PRKCA: variants seen among roughly 807,000 people sequenced by gnomAD.
PRKCA encodes the protein protein kinase C alpha type.
A neutral mutation model predicts 87.0 loss-of-function variants in PRKCA; 27 were observed. The observed-to-expected ratio is 0.31, with a 90% confidence interval of 0.23 to 0.43. The LOEUF is 0.43. PRKCA is among the 20% of genes least tolerant of loss of function. The pLI is 1.00. For missense variants in PRKCA, 518 were observed against 852.3 expected, an observed-to-expected ratio of 0.61 and a Z score of 4.88; for synonymous variants, 329 against 311.1, an observed-to-expected ratio of 1.06 and a Z score of -0.61.
intron 2 of PRKCA, among the ~76,000 whole-genome samples, chr17:66,351,720 C>G (rs1170351695): frequency 6.6e-6 from 1 of 152,148 alleles, no homozygotes; most frequent in African/African-American, 2.4e-5. Context: ...AATGCCTACT[C>G]AAACCAGCGT....
intron 3 of PRKCA, among the ~76,000 whole-genome samples, chr17:66,556,868 C>T (rs1034223859): frequency 2.6e-5 from 4 of 152,276 alleles, no homozygotes; most frequent in South Asian, 4.1e-4. Context: ...TACCCCATCT[C>T]GGGTATGTCC....
intron 13 of PRKCA, among the ~76,000 whole-genome samples, chr17:66,753,867 C>T (rs187149175): frequency 1.3e-5 from 2 of 152,272 alleles, no homozygotes; most frequent in East Asian, 1.9e-4. Context: ...CTGCTGGCAC[C>T]TTCATCCTGG....
intron 3 of PRKCA, among the ~76,000 whole-genome samples, chr17:66,576,987 AC>A (rs1171583950): frequency 1.4e-5 from 2 of 146,594 alleles, no homozygotes; most frequent in Non-Finnish European, 3.0e-5. Context: ...TGATCCTCCC[AC>A]CCCAGCCTCC....
rs1485928514 is a variant in PRKCA at position 66,803,304 on chromosome 17, C to G, written c.1855-569C>G. On this transcript the variant is annotated intron_variant, in intron 16 of 16. Transcript: ENST00000413366. This position sits in a 1 kb window ranked among gnomAD's most constrained non-coding sequence, Gnocchi z 4.4. ...CTAGCTGGGCCAGGTGCAAATCTCC[C>G]AGCCTTGCCGCCACACCTACCTCAT... 3.3e-5 allele frequency among the ~76,000 whole-genome samples: 5 copies of G among 152,226 alleles called. 1 individual carries two copies. The South Asian group carries it at 1.0e-3, about 31-fold the overall frequency.
At chr17:66,384,897 T>G (rs2143607159) in intron 2 of PRKCA, among the ~76,000 whole-genome samples, 1 of 152,356 alleles carries the variant, frequency 6.6e-6, no homozygotes, top group East Asian at 1.9e-4. Flanking sequence ...CCCAAAGTGC[T>G]GGGATTACAG....
chr17:66,477,557 G>A (rs564888047), intron 2 of PRKCA, among the ~76,000 whole-genome samples: 1 of 152,164 alleles, frequency 6.6e-6, no homozygotes, highest in Admixed American at 6.5e-5. Flanking sequence ...AAAATTAGCC[G>A]AGCGTGGTGG....
intron 2 of PRKCA, among the ~76,000 whole-genome samples, chr17:66,423,003 C>T (rs914522427): frequency 5.3e-5 from 8 of 151,908 alleles, no homozygotes; most frequent in African/African-American, 1.7e-4. Context: ...CCTAGCTACT[C>T]GGGAGGCTGA....
chr17:66,795,718 G>C (rs56884788), intron 16 of PRKCA, among the ~76,000 whole-genome samples: 6,260 of 152,250 alleles, frequency 0.041, 195 homozygotes, highest in East Asian at 0.16. Context: ...TCCATTGTTG[G>C]CAGTGAAGGT....
At chr17:66,774,397 G>T in intron 14 of PRKCA, 6 of 1,099,142 alleles carry the variant, frequency 5.5e-6, no homozygotes, top group Non-Finnish European at 6.8e-6. Flanking sequence ...AAGGCAGGCG[G>T]ATCGCCTGAG....
chr17:66,552,279 T>C (rs775479734), intron 3 of PRKCA, among the ~76,000 whole-genome samples: 1 of 152,128 alleles, frequency 6.6e-6, no homozygotes, highest in Non-Finnish European at 1.5e-5. Flanking sequence ...GTCTGGGTAA[T>C]AGCTAAGACC....
intron 2 of PRKCA, among the ~76,000 whole-genome samples, chr17:66,467,016 T>C (rs1220567293): frequency 1.3e-5 from 2 of 152,210 alleles, no homozygotes; most frequent in Non-Finnish European, 2.9e-5. Flanking sequence ...AAACTGAACC[T>C]ACTATGAAAA....
chr17:66,516,181 G>A (rs1966963794), intron 3 of PRKCA, among the ~76,000 whole-genome samples: 1 of 152,126 alleles, frequency 6.6e-6, no homozygotes, highest in Admixed American at 6.6e-5. Context: ...CTCCTCTGTG[G>A]GTAGCAGACT....
chr17:66,714,671 G>C (rs540534834), intron 8 of PRKCA, among the ~76,000 whole-genome samples: 1 of 152,196 alleles, frequency 6.6e-6, no homozygotes, highest in Admixed American at 6.5e-5. Context: ...GCAGGATGGC[G>C]AGGCTCCCAA....
chr17:66,571,587 A>T (rs965390584), intron 3 of PRKCA, among the ~76,000 whole-genome samples: 1 of 152,180 alleles, frequency 6.6e-6, no homozygotes, highest in Non-Finnish European at 1.5e-5. Context: ...GAGGGAAAAA[A>T]ACCCCATGTT....
intron 3 of PRKCA, among the ~76,000 whole-genome samples, chr17:66,564,380 C>G (rs529139751): frequency 6.6e-6 from 1 of 152,072 alleles, no homozygotes; most frequent in African/African-American, 2.4e-5. Flanking sequence ...TGCCCAGCCT[C>G]TTTTTAATTG....
Position 66,804,018 on chromosome 17 carries a change from T to C in PRKCA, c.2000T>C (p.Ile667Thr). 6.2e-7 allele frequency: 1 copy of C among 1,613,056 alleles called. No individual in the cohort carries two copies. Among genetic ancestry groups the C allele is most frequent in the Non-Finnish European group, 8.5e-7 (1 of 1,179,302 alleles). Residue 667 changes from isoleucine (I) to threonine (T), a missense_variant, in exon 17 of 17, where the codon ATC (isoleucine) becomes ACC (threonine). This residue lies in a region of PRKCA where 159 missense variants were observed against 232.4 expected (regional missense o/e 0.68). Transcript: ENST00000413366. ...GTCAACCCCCAGTTTGTGCACCCCATCTTACAGAGTGCAGTATGAAACTCA... is the reference window on the plus strand; with the variant it reads ...GTCAACCCCCAGTTTGTGCACCCCACCTTACAGAGTGCAGTATGAAACTCA... ...SYVNPQFVHP[I>T]LQSAV is the part of the protein sequence containing the mutation.
intron 8 of PRKCA, among the ~76,000 whole-genome samples, chr17:66,712,023 G>A (rs80106220): frequency 0.048 from 7,290 of 151,514 alleles, 227 homozygotes; most frequent in Non-Finnish European, 0.067. Context: ...CCTCCACCCC[G>A]CCCTTGTCTG....
chr17:66,522,179 G>A (rs1967182434), intron 3 of PRKCA, among the ~76,000 whole-genome samples: 2 of 152,190 alleles, frequency 1.3e-5, no homozygotes, highest in African/African-American at 4.8e-5. Flanking sequence ...TGGACCAGGA[G>A]CCCCGTGGGA....
chr17:66,347,941 CTTTTTTTT>C (rs57292153), intron 2 of PRKCA, among the ~76,000 whole-genome samples: 4 of 56,440 alleles, frequency 7.1e-5, no homozygotes, highest in Non-Finnish European at 9.9e-5. Context: ...AATTCTGAAC[CTTTTTTTT>C]TTTTTTTTTT....
Sources: allele counts gnomAD v4.1 joint callset (sites outside exome capture counted in the v4.1 genomes callset), GRCh38; gene constraint gnomAD v4.1.1; regional missense constraint gnomAD v4.1.1; non-coding constraint Gnocchi (gnomAD v3.1); transcripts MANE v1.5; gene names NCBI Gene and HGNC (gene_info 2026-07-23, HGNC 2026-07-21).